The following TBC1D8 variants were observed in gnomAD, a reference collection of about 807,000 sequenced individuals.
The protein encoded by TBC1D8 is TBC1 domain family member 8.
In TBC1D8, 65 loss-of-function variants were observed where a neutral mutation model predicts 118.8. The observed-to-expected ratio is 0.55, with a 90% CI of 0.45 to 0.67. The LOEUF (loss-of-function observed/expected upper bound fraction) is 0.67. Among genes scored for constraint, TBC1D8 ranks in the 30% least tolerant of loss-of-function variants. The pLI is 0.00. For synonymous variants in TBC1D8, 566 were observed against 595.8 expected (o/e 0.95, Z 0.73); for missense variants, 1,376 against 1,471.2 (o/e 0.94, Z 1.06).
intron 1 of TBC1D8, 41 bp from the exon 2 acceptor site, chr2:101,090,405 G>A: frequency 6.2e-7 from 1 of 1,609,604 alleles, no homozygotes; most frequent in Non-Finnish European, 8.5e-7. Context: ...GTGAGCATGG[G>A]GCTGGCCAGC....
chr2:101,050,425 T>G lies in TBC1D8; in HGVS notation c.848A>C (p.Gln283Pro). ...NEVFDLDPDL[Q>P]EPSQITKRDL... is the part of the protein sequence containing the mutation. ...CCTCTTGGTGATCTGGCTCGGCTCC[T>G]GCAGATCGGGGTCGAGGTCAAAGAC... The change falls in exon 5 of 20, where the codon CAG becomes CCG. Residue 283 changes from glutamine (Q) to proline (P), a missense_variant. Coordinates refer to ENST00000409318, the MANE Select transcript of TBC1D8 (RefSeq NM_001330348.2). 1 of 1,613,556 alleles carries G rather than the reference T, an allele frequency of 6.2e-7. No homozygotes were observed. Among genetic ancestry groups the G allele is most frequent in the South Asian group, 1.1e-5 (1 of 91,056 alleles).
intron 1 of TBC1D8, among the ~76,000 whole-genome samples, chr2:101,091,219 A>C (rs1676014023): frequency 6.6e-6 from 1 of 152,146 alleles, no homozygotes; most frequent in African/African-American, 2.4e-5. Context: ...CAGCAGGTGG[A>C]GGTTGCAGCA....
intron 1 of TBC1D8, among the ~76,000 whole-genome samples, chr2:101,092,214 T>C (rs1433471959): frequency 6.6e-6 from 1 of 152,236 alleles, no homozygotes; most frequent in African/African-American, 2.4e-5. Flanking sequence ...TATAGGCCAG[T>C]TTTTCTTGTA....
At chr2:101,090,818 G>A (rs1485105896) in intron 1 of TBC1D8, among the ~76,000 whole-genome samples, 6 of 152,102 alleles carry the variant, frequency 3.9e-5, no homozygotes, top group Non-Finnish European at 1.5e-5. Context: ...TACTTCATAG[G>A]GTAATTGGGA....
intron 1 of TBC1D8, among the ~76,000 whole-genome samples, chr2:101,133,826 T>A (rs1359053959): frequency 6.6e-6 from 1 of 152,206 alleles, no homozygotes; most frequent in Admixed American, 6.5e-5. Context: ...CAGCTCTGCA[T>A]GGCTGGGGAG....
At chr2:101,079,292 C>A (rs545775487) in intron 2 of TBC1D8, among the ~76,000 whole-genome samples, 1 of 152,196 alleles carries the variant, frequency 6.6e-6, no homozygotes, top group Non-Finnish European at 1.5e-5. Flanking sequence ...TCCTGCTCTA[C>A]GCAGAAGTTA....
At chr2:101,009,390 A>G (rs1679007333) in intron 19 of TBC1D8, among the ~76,000 whole-genome samples, 1 of 145,516 alleles carries the variant, frequency 6.9e-6, no homozygotes, top group Non-Finnish European at 1.5e-5. Flanking sequence ...TGGGCGACAG[A>G]GTGAGACTCT....
Position 101,084,345 on chromosome 2 carries a change from T to C in TBC1D8, c.283+5864A>G, listed in dbSNP as rs575473723. Among the ~76,000 whole-genome samples the C allele has an allele frequency of 2.0e-5, 3 of 152,192 alleles. No individual in the cohort carries two copies. In the East Asian group the frequency reaches 5.8e-4, roughly 29 times the overall value. The stretch of plus-strand genomic sequence containing the variant: ...GGGAGGATCACCTGAGGTCAGAAGT[T>C]CAAGGCCAGCCTGGCCAACATGGCG... On this transcript the variant is annotated intron_variant, in intron 2 of 19. Coordinates refer to ENST00000409318, the MANE Select transcript of TBC1D8 (RefSeq NM_001330348.2).
intron 2 of TBC1D8, among the ~76,000 whole-genome samples, chr2:101,081,737 T>C (rs1218261419): frequency 6.6e-6 from 1 of 152,232 alleles, no homozygotes. Context: ...ATTCTTAGAA[T>C]GATCTAGGCA....
At chr2:101,138,852 C>T (rs906927703) in intron 1 of TBC1D8, among the ~76,000 whole-genome samples, 1 of 152,144 alleles carries the variant, frequency 6.6e-6, no homozygotes. Flanking sequence ...AGCCCCTGCT[C>T]CTTCCCAGAG....
chr2:101,071,425 G>T (rs560470284), intron 2 of TBC1D8, among the ~76,000 whole-genome samples: 1 of 152,322 alleles, frequency 6.6e-6, no homozygotes, highest in East Asian at 1.9e-4. Context: ...ATTGGGCCCT[G>T]TGGGGAGGCT....
intron 7 of TBC1D8, 99 bp from the exon 8 acceptor site, chr2:101,037,807 G>C: frequency 6.8e-7 from 1 of 1,465,662 alleles, no homozygotes; most frequent in South Asian, 1.2e-5. Flanking sequence ...GGATGCACGG[G>C]CATAGCAGAC....
intron 1 of TBC1D8, among the ~76,000 whole-genome samples, chr2:101,123,073 C>A (rs1309124937): frequency 1.3e-5 from 2 of 152,092 alleles, no homozygotes; most frequent in Non-Finnish European, 2.9e-5. Context: ...GAATATATAC[C>A]TAAAACAGAG....
At chr2:101,097,910 A>G (rs1259365435) in intron 1 of TBC1D8, among the ~76,000 whole-genome samples, 2 of 152,206 alleles carry the variant, frequency 1.3e-5, no homozygotes, top group Admixed American at 1.3e-4. Context: ...GTGAAACAGT[A>G]TAGTATTGTT....
intron 11 of TBC1D8, 119 bp from the exon 12 acceptor site, chr2:101,029,895 G>T: frequency 9.3e-7 from 1 of 1,074,448 alleles, no homozygotes. Context: ...GTCCAGAAAA[G>T]CGTCCATGCT....
chr2:101,127,798 A>G (rs1414644526), intron 1 of TBC1D8, among the ~76,000 whole-genome samples: 1 of 152,140 alleles, frequency 6.6e-6, no homozygotes, highest in Non-Finnish European at 1.5e-5. Flanking sequence ...TTGGTGGAGG[A>G]TGTGAGGGTC....
At position 101,022,411 on chromosome 2, in the gene TBC1D8, T is replaced by G; in HGVS notation, c.2631A>C (p.Ala877=). The change falls in exon 16 of 20, where the codon GCA becomes GCC. Residue 877 remains alanine (A), a synonymous_variant. Coordinates refer to ENST00000409318, the MANE Select transcript of TBC1D8 (RefSeq NM_001330348.2). Reference sequence around the variant, plus strand: ...AGGGCGAGACTAGCTGAAACAGGTGTGCAAACTGCCGGGCATCTATGCGGT... The same window carrying G: ...AGGGCGAGACTAGCTGAAACAGGTGGGCAAACTGCCGGGCATCTATGCGGT... ...EQYRIDARQF[A]HLFQLVSPWT... 1 of 1,613,130 alleles carries G rather than the reference T, an allele frequency of 6.2e-7. No homozygotes were observed. The highest frequency in any genetic ancestry group is 1.1e-5 in the South Asian group (1 of 91,032).
intron 19 of TBC1D8, among the ~76,000 whole-genome samples, chr2:101,008,860 A>T (rs1313595150): frequency 6.6e-6 from 1 of 152,132 alleles, no homozygotes; most frequent in Non-Finnish European, 1.5e-5. Context: ...ATCTGTAGGG[A>T]TCTTTAAGCT....
In TBC1D8 at chr2:101,038,612, T is replaced by G. The variant is rs1681183895; in HGVS notation, c.1124A>C (p.His375Pro). 6.2e-7 allele frequency: 1 copy of G among 1,613,870 alleles called. No homozygotes were observed. Among genetic ancestry groups the G allele is most frequent in the Non-Finnish European group, 8.5e-7 (1 of 1,179,928 alleles). The change falls in exon 7 of 20, where the codon CAT becomes CCT. Residue 375 changes from histidine (H) to proline (P), a missense_variant. Coordinates refer to ENST00000409318, the MANE Select transcript of TBC1D8 (RefSeq NM_001330348.2). ...GCTTCTGATACTGACAATGATGGGA[T>G]GCGGCAGCAGGCTCGTGTCCTCCAT... ...EKMEDTSLLP[H>P]PIIVSIRSKV...
Sources: gnomAD v4.1 joint callset for allele counts (sites outside exome capture counted in the v4.1 genomes callset) on GRCh38, gnomAD v4.1.1 for gene constraint, MANE v1.5 for transcripts, NCBI Gene and HGNC (gene_info 2026-07-23, HGNC 2026-07-21) for gene names.